Variants in PRKG2 observed in about 807,000 individuals in gnomAD.
PRKG2 encodes the protein cGMP-dependent protein kinase 2.
A neutral mutation model predicts 97.2 loss-of-function variants in PRKG2; 33 were observed. That is an observed-to-expected ratio of 0.34 (90% CI 0.26 to 0.45). The LOEUF (loss-of-function observed/expected upper bound fraction) is 0.45, where lower values mean the gene tolerates loss of function less well. Ranked by LOEUF, PRKG2 falls within the 20% of genes least tolerant of loss-of-function variation. The pLI is 1.00. For missense variants in PRKG2, 638 were observed against 900.0 expected (o/e 0.71, Z 3.73); for synonymous variants, 330 against 321.8 (o/e 1.03, Z -0.27).
chr4:81,184,732 T>G (rs894112025), intron 2 of PRKG2, among the ~76,000 whole-genome samples: 3 of 152,046 alleles, frequency 2.0e-5, no homozygotes, highest in African/African-American at 7.2e-5. Flanking sequence ...GCAAGGAAAC[T>G]AAGAATGTTG....
chr4:81,151,942 T>C lies in PRKG2; in HGVS notation c.1085+18A>G. On this transcript the variant is annotated intron_variant, in intron 8 of 18. Transcript: ENST00000264399. ...GAAGCATTTTATCCAAAGTATGGCATATAATTCATGAATTCACCTGATAAG... is the reference window on the plus strand; with the variant it reads ...GAAGCATTTTATCCAAAGTATGGCACATAATTCATGAATTCACCTGATAAG... The C allele has an allele frequency of 6.4e-7, 1 of 1,562,566 alleles. No homozygotes were observed. The highest frequency in any genetic ancestry group is 1.7e-4 in the Middle Eastern group (1 of 5,922).
intron 14 of PRKG2, among the ~76,000 whole-genome samples, chr4:81,134,106 G>C (rs1218224154): frequency 1.3e-5 from 2 of 152,046 alleles, no homozygotes; most frequent in Admixed American, 1.3e-4. Context: ...AGTGTTTCTT[G>C]GAAGTTAGCC....
chr4:81,177,150 G>T (rs1343798425), intron 2 of PRKG2, among the ~76,000 whole-genome samples: 6 of 152,038 alleles, frequency 3.9e-5, no homozygotes, highest in Admixed American at 2.6e-4. Context: ...ATTTTAAATG[G>T]ATGCTGCAGT....
chr4:81,137,358 T>C, intron 13 of PRKG2, 35 bp downstream of exon 13: 4 of 1,442,250 alleles, frequency 2.8e-6, no homozygotes, highest in Non-Finnish European at 3.9e-6. Flanking sequence ...ATATAGCCCT[T>C]AGGCCAGATG....
At chr4:81,156,210 G>C (rs2110065823) in intron 6 of PRKG2, among the ~76,000 whole-genome samples, 1 of 152,106 alleles carries the variant, frequency 6.6e-6, no homozygotes, top group South Asian at 2.1e-4. Context: ...ACACACATAG[G>C]CTCAAAATAA....
At chr4:81,178,085 T>C (rs1751094832) in intron 2 of PRKG2, among the ~76,000 whole-genome samples, 2 of 123,254 alleles carry the variant, frequency 1.6e-5, no homozygotes, top group Non-Finnish European at 3.4e-5. Flanking sequence ...CTACCTGGGG[T>C]CCTGGTAACC....
At position 81,171,685 on chromosome 4, in the gene PRKG2, T is replaced by C; in HGVS notation, c.742+6A>G. On this transcript the variant is annotated splice_donor_region_variant and intron_variant, in intron 4 of 18. Coordinates refer to ENST00000264399, the MANE Select transcript of PRKG2 (RefSeq NM_006259.3). ...TTCAAAGATGGAGCATTTCCTCTTT[T>C]ATTACCTTTCACAGAGGCAGTCCTT... 6.3e-7 allele frequency: 1 copy of C among 1,582,500 alleles called. No individual in the cohort carries two copies. Among genetic ancestry groups the C allele is most frequent in the African/African-American group, 1.4e-5 (1 of 73,876 alleles).
chr4:81,108,810 T>C (rs1453371098), intron 15 of PRKG2, among the ~76,000 whole-genome samples: 6 of 152,134 alleles, frequency 3.9e-5, no homozygotes, highest in South Asian at 4.1e-4. Context: ...AGCAAGAGGA[T>C]TGCTTGGGCC....
At chr4:81,125,816 G>C (rs186334210) in intron 14 of PRKG2, among the ~76,000 whole-genome samples, 204 of 152,140 alleles carry the variant, frequency 1.3e-3, no homozygotes, top group Middle Eastern at 6.8e-3. Context: ...GTTTTAATCT[G>C]CATTTCCTTG....
chr4:81,094,897 C>A (rs1741969637), intron 17 of PRKG2, among the ~76,000 whole-genome samples: 1 of 152,096 alleles, frequency 6.6e-6, no homozygotes. Context: ...TCAGAAAGCT[C>A]TAAGTAAATG....
In PRKG2 at chr4:81,203,386, C is replaced by A. The variant is rs548694208; in HGVS notation, c.461+1201G>T. The stretch of plus-strand genomic sequence containing the variant: ...TATTTATTGATCATTCACTATGCTT[C>A]CAGTACTGTCAACAAATTGATTAAT... On this transcript the variant is annotated intron_variant, in intron 2 of 18. Transcript: ENST00000264399. Among the ~76,000 whole-genome samples the A allele has an allele frequency of 1.3e-3, 195 of 152,202 alleles. 1 individual carries two copies. The highest frequency in any genetic ancestry group is 4.6e-3 in the African/African-American group (192 of 41,534).
intron 9 of PRKG2, among the ~76,000 whole-genome samples, chr4:81,148,568 T>C (rs536175304): frequency 3.7e-4 from 56 of 152,316 alleles, no homozygotes; most frequent in African/African-American, 1.2e-3. Context: ...CTATATTGTA[T>C]GGAAGAAATC....
At chr4:81,210,458 C>T (rs1753910772) in intron 1 of PRKG2, among the ~76,000 whole-genome samples, 1 of 152,106 alleles carries the variant, frequency 6.6e-6, no homozygotes, top group African/African-American at 2.4e-5. Flanking sequence ...AGAAACTCAA[C>T]ATCATAGGTC....
At chr4:81,209,185 A>T (rs374505918) in intron 1 of PRKG2, among the ~76,000 whole-genome samples, 3 of 152,202 alleles carry the variant, frequency 2.0e-5, no homozygotes, top group East Asian at 3.8e-4. Context: ...GACATAAGAA[A>T]AGCAAAAGTG....
intron 14 of PRKG2, among the ~76,000 whole-genome samples, chr4:81,122,553 C>A (rs1425461743): frequency 6.6e-6 from 1 of 152,156 alleles, no homozygotes; most frequent in African/African-American, 2.4e-5. Context: ...AAAGGACACA[C>A]CATTACAGAC....
At chr4:81,170,889 C>A (rs1183056911) in intron 4 of PRKG2, among the ~76,000 whole-genome samples, 1 of 151,906 alleles carries the variant, frequency 6.6e-6, no homozygotes, top group Admixed American at 6.6e-5. Context: ...TCTAGATGAG[C>A]CAAAGGCATG....
chr4:81,208,778 A>T (rs988383700), intron 1 of PRKG2, among the ~76,000 whole-genome samples: 1 of 152,120 alleles, frequency 6.6e-6, no homozygotes, highest in African/African-American at 2.4e-5. Flanking sequence ...TCTATCTTCC[A>T]TTGAGAAAAG....
At chr4:81,125,810 T>C (rs1167286297) in intron 14 of PRKG2, among the ~76,000 whole-genome samples, 2 of 152,236 alleles carry the variant, frequency 1.3e-5, no homozygotes, top group African/African-American at 4.8e-5. Context: ...TCTGTGGTTT[T>C]AATCTGCATT....
At chr4:81,118,413 A>G (rs1410675721) in intron 14 of PRKG2, among the ~76,000 whole-genome samples, 1 of 152,212 alleles carries the variant, frequency 6.6e-6, no homozygotes, top group Non-Finnish European at 1.5e-5. Flanking sequence ...AGAAACTTCC[A>G]AACTGCCTGT....
Sources: gnomAD v4.1 joint callset for allele counts (sites outside exome capture counted in the v4.1 genomes callset) on GRCh38, gnomAD v4.1.1 for gene constraint, MANE v1.5 for transcripts, NCBI Gene and HGNC (gene_info 2026-07-23, HGNC 2026-07-21) for gene names.